The following MACROD2 variants were observed in gnomAD, a reference collection of about 807,000 sequenced individuals.
The protein encoded by MACROD2 is ADP-ribose glycohydrolase MACROD2.
Under a neutral mutation model 70.4 loss-of-function variants are expected in MACROD2, and 36 were observed. The ratio of observed to expected loss-of-function variants is 0.51; its 90% CI spans 0.39 to 0.68. MACROD2 has a LOEUF of 0.68. Ranked by LOEUF, MACROD2 falls within the 30% of genes least tolerant of loss-of-function variation. MACROD2 has a pLI of 0.00. For missense variants in MACROD2, 496 were observed against 538.4 expected, an observed-to-expected ratio of 0.92 and a Z score of 0.78; for synonymous variants, 172 against 178.8, an observed-to-expected ratio of 0.96 and a Z score of 0.30.
intron 10 of MACROD2, among the ~76,000 whole-genome samples, chr20:15,923,532 C>T (rs1446245763): frequency 6.6e-6 from 1 of 152,092 alleles, no homozygotes; most frequent in Non-Finnish European, 1.5e-5. Flanking sequence ...AGAGTGTGGC[C>T]ACACTCATAG....
chr20:14,515,463 A>ACACACACATG (rs34190778), intron 4 of MACROD2, among the ~76,000 whole-genome samples: 1 of 138,822 alleles, frequency 7.2e-6, no homozygotes. Context: ...ATACACACAC[A>ACACACACATG]CGCACACACA....
At chr20:15,462,078 G>A (rs939466571) in intron 7 of MACROD2, among the ~76,000 whole-genome samples, 1 of 152,052 alleles carries the variant, frequency 6.6e-6, no homozygotes, top group Non-Finnish European at 1.5e-5. Flanking sequence ...TTGGAATCCT[G>A]CTAGGTGAAA....
rs533448808 is a variant in MACROD2, at chr20:15,371,475, T to TAAA, written c.541-59928_541-59927insAAA. ...AAACAAAGTTCTGCTGAAAGCAGTT[T>TAAA]AATAATCACTTAAACTGGTGGTGAG... On this transcript the variant is annotated intron_variant, in intron 6 of 17. Coordinates refer to ENST00000684519, the MANE Select transcript of MACROD2 (RefSeq NM_001351661.2). Among the ~76,000 whole-genome samples, 18 of 152,292 alleles carry TAAA rather than the reference T, an allele frequency of 1.2e-4. 1 individual carries two copies. The South Asian group carries it at 3.7e-3, about 32-fold the overall frequency.
At position 15,192,493 on chromosome 20, in the gene MACROD2, G is replaced by T. The variant is rs1375170694; in HGVS notation, c.419-37447G>T. Among the ~76,000 whole-genome samples, 12 of 152,278 alleles carry T rather than the reference G, an allele frequency of 7.9e-5. No homozygotes were observed. In the East Asian group the frequency reaches 2.3e-3, roughly 29 times the overall value. On this transcript the variant is annotated intron_variant, in intron 5 of 17. Transcript: ENST00000684519. Reference sequence around the variant, plus strand: ...GAACTAGAAGACATAGGCAAAAAGTGAGGCAAACGTGCTCCTACCAGCACC... The same window carrying T: ...GAACTAGAAGACATAGGCAAAAAGTTAGGCAAACGTGCTCCTACCAGCACC...
intron 2 of MACROD2, among the ~76,000 whole-genome samples, chr20:14,014,587 G>A (rs1231076111): frequency 6.6e-6 from 1 of 151,888 alleles, no homozygotes; most frequent in Non-Finnish European, 1.5e-5. Context: ...TAATTTAGAG[G>A]GTATGCAGTT....
intron 7 of MACROD2, among the ~76,000 whole-genome samples, chr20:15,474,633 C>T (rs1410992275): frequency 3.3e-5 from 5 of 152,276 alleles, no homozygotes; most frequent in Admixed American, 1.3e-4. Flanking sequence ...TGCCAGCATA[C>T]ACAGTAACTT....
At chr20:15,438,784 A>T (rs1364936748) in intron 7 of MACROD2, among the ~76,000 whole-genome samples, 2 of 152,178 alleles carry the variant, frequency 1.3e-5, no homozygotes, top group Non-Finnish European at 2.9e-5. Flanking sequence ...CTAGCAAAGC[A>T]CTGTGTCTCT....
intron 4 of MACROD2, among the ~76,000 whole-genome samples, chr20:14,509,854 A>G (rs1362090826): frequency 1.3e-5 from 2 of 152,006 alleles, no homozygotes; most frequent in African/African-American, 2.4e-5. Flanking sequence ...TTTCTTCAGA[A>G]CTTCTACTGA....
intron 3 of MACROD2, among the ~76,000 whole-genome samples, chr20:14,125,039 A>G (rs1569169208): frequency 6.6e-6 from 1 of 152,186 alleles, no homozygotes; most frequent in Non-Finnish European, 1.5e-5. Flanking sequence ...TCTGAGTGAA[A>G]GAAGCCAGAC....
chr20:14,803,268 A>G (rs1204301234), intron 5 of MACROD2, among the ~76,000 whole-genome samples: 1 of 152,086 alleles, frequency 6.6e-6, no homozygotes, highest in South Asian at 2.1e-4. Flanking sequence ...TCAGCAGTAC[A>G]GAATTGAAGG....
At chr20:15,955,213 C>T (rs1250247216) in intron 12 of MACROD2, among the ~76,000 whole-genome samples, 1 of 152,070 alleles carries the variant, frequency 6.6e-6, no homozygotes, top group Admixed American at 6.6e-5. Context: ...ATTTTAGGTA[C>T]AATGAATAAA....
intron 5 of MACROD2, among the ~76,000 whole-genome samples, chr20:15,147,036 G>C (rs904448134): frequency 6.6e-6 from 1 of 152,100 alleles, no homozygotes; most frequent in African/African-American, 2.4e-5. Flanking sequence ...GATAACCCTT[G>C]ATTGGCCTTA....
Position 15,046,194 on chromosome 20 carries a change from T to C in MACROD2, c.419-183746T>C, listed in dbSNP as rs2075393568. On this transcript the variant is annotated intron_variant, in intron 5 of 17. Transcript: ENST00000684519. ...AGGTAAAAATTAAAAAATACATATA[T>C]ATATATAAGAAATTCAAATAAACTG... Among the ~76,000 whole-genome samples, 3 of 152,152 alleles carry C rather than the reference T, an allele frequency of 2.0e-5. No individual in the cohort carries two copies. The South Asian group carries it at 6.2e-4, about 32-fold the overall frequency.
At chr20:15,695,058 T>G (rs2050347669) in intron 8 of MACROD2, among the ~76,000 whole-genome samples, 1 of 152,212 alleles carries the variant, frequency 6.6e-6, no homozygotes, top group Non-Finnish European at 1.5e-5. Context: ...GGGTTCTCTA[T>G]TCCGTTCCAT....
At chr20:15,968,838 T>C (rs6080066) in intron 13 of MACROD2, among the ~76,000 whole-genome samples, 14,634 of 113,692 alleles carry the variant, frequency 0.13, 940 homozygotes, top group East Asian at 0.31. Flanking sequence ...TATATATATA[T>C]ACACACATAT....
At chr20:15,164,178 TA>T (rs567679222) in intron 5 of MACROD2, among the ~76,000 whole-genome samples, 17 of 152,048 alleles carry the variant, frequency 1.1e-4, no homozygotes, top group Admixed American at 4.6e-4. Flanking sequence ...GAAAATATTT[TA>T]AAAAAATAAA....
chr20:15,142,325 G>T (rs75476782), intron 5 of MACROD2, among the ~76,000 whole-genome samples: 8 of 152,136 alleles, frequency 5.3e-5, no homozygotes, highest in African/African-American at 1.9e-4. Flanking sequence ...CAAATGCCTA[G>T]ATAACCAGTA....
At chr20:14,949,886 A>G (rs2074461778) in intron 5 of MACROD2, among the ~76,000 whole-genome samples, 1 of 152,086 alleles carries the variant, frequency 6.6e-6, no homozygotes. Context: ...TTTCCACTTC[A>G]TCTTTGTTTA....
At chr20:15,987,775 A>T (rs906006789) in intron 15 of MACROD2, among the ~76,000 whole-genome samples, 2 of 152,182 alleles carry the variant, frequency 1.3e-5, no homozygotes, top group African/African-American at 2.4e-5. Flanking sequence ...AAATATTTTT[A>T]AAAATGTGTT....
Sources: gnomAD v4.1 joint callset for allele counts (sites outside exome capture counted in the v4.1 genomes callset) on GRCh38, gnomAD v4.1.1 for gene constraint, MANE v1.5 for transcripts, NCBI Gene and HGNC (gene_info 2026-07-23, HGNC 2026-07-21) for gene names.